TAFA4: variants seen among roughly 807,000 people sequenced by gnomAD.
TAFA4 encodes the protein TAFA chemokine like family member 4.
TAFA4 carries 20 observed loss-of-function variants against 21.1 expected under a neutral mutation model. That is an observed-to-expected ratio of 0.95 (90% confidence interval 0.67 to 1.38). TAFA4 has a LOEUF of 1.38. Among genes scored for constraint, TAFA4 ranks in the 40% most tolerant of loss-of-function variants. TAFA4 has a pLI of 0.00. For synonymous variants in TAFA4, 71 were observed against 67.4 expected (o/e 1.05, Z -0.26); for missense variants, 211 against 180.9 (o/e 1.17, Z -0.95).
chr3:68,742,396 A>G (rs542905643), intron 4 of TAFA4, among the ~76,000 whole-genome samples: 212 of 152,348 alleles, frequency 1.4e-3, no homozygotes, highest in African/African-American at 4.8e-3. Flanking sequence ...GGAAGCCCTG[A>G]AGACTTTCCT....
At chr3:68,876,674 A>T (rs753620647) in intron 3 of TAFA4, among the ~76,000 whole-genome samples, 3 of 152,238 alleles carry the variant, frequency 2.0e-5, no homozygotes, top group Non-Finnish European at 4.4e-5. Context: ...CCTAAGTTAA[A>T]AATAACATAA....
intron 1 of TAFA4, among the ~76,000 whole-genome samples, chr3:68,907,441 T>C (rs1442579216): frequency 1.3e-5 from 2 of 152,022 alleles, no homozygotes; most frequent in African/African-American, 4.8e-5. Flanking sequence ...CGGCAGAAAA[T>C]GCAAAGAGCT....
chr3:68,921,092 G>A (rs1228124450), intron 1 of TAFA4, among the ~76,000 whole-genome samples: 3 of 152,090 alleles, frequency 2.0e-5, no homozygotes, highest in African/African-American at 4.8e-5. Flanking sequence ...AAAACCTGCC[G>A]AGGGGACAAC....
intron 3 of TAFA4, among the ~76,000 whole-genome samples, chr3:68,821,326 CTTTTTTTTTTTTTTTTTTTTTTT>C (rs575774839): frequency 1.4e-5 from 1 of 73,670 alleles, no homozygotes; most frequent in Non-Finnish European, 2.5e-5. Flanking sequence ...AACCTCCCTG[CTTTTTTTTTTTTTTTTTTTTTTT>C]TTTTTTTTTT....
chr3:68,804,300 G>A (rs1199580716), intron 3 of TAFA4, among the ~76,000 whole-genome samples: 1 of 152,028 alleles, frequency 6.6e-6, no homozygotes, highest in Non-Finnish European at 1.5e-5. Context: ...AAATAAAAGA[G>A]GATACAAACA....
At chr3:68,878,223 G>T (rs1013754674) in intron 3 of TAFA4, among the ~76,000 whole-genome samples, 3 of 152,152 alleles carry the variant, frequency 2.0e-5, no homozygotes, top group African/African-American at 7.2e-5. Context: ...CTAGGGAAAT[G>T]GAACTATTAA....
chr3:68,878,330 T>C (rs2089577838), intron 3 of TAFA4, among the ~76,000 whole-genome samples: 1 of 152,218 alleles, frequency 6.6e-6, no homozygotes, highest in African/African-American at 2.4e-5. Context: ...AAAATCTGAA[T>C]TTTTGAAGTC....
intron 3 of TAFA4, among the ~76,000 whole-genome samples, chr3:68,869,204 A>G (rs1367331897): frequency 6.6e-6 from 1 of 152,016 alleles, no homozygotes; most frequent in African/African-American, 2.4e-5. Flanking sequence ...TAATGAGATT[A>G]AGGCAGTCAT....
At chr3:68,827,764 T>C (rs1704286728) in intron 3 of TAFA4, among the ~76,000 whole-genome samples, 1 of 152,226 alleles carries the variant, frequency 6.6e-6, no homozygotes, top group Non-Finnish European at 1.5e-5. Context: ...TTAAGTTCTT[T>C]GTAGATTCTG....
chr3:68,904,574 A>G (rs2089878791), intron 1 of TAFA4, among the ~76,000 whole-genome samples: 1 of 152,238 alleles, frequency 6.6e-6, no homozygotes, highest in Admixed American at 6.5e-5. Context: ...GAAATTATCA[A>G]TATGAATGGG....
chr3:68,783,673 C>CAGAGAGAGAG lies in TAFA4; in HGVS notation c.131-30665_131-30656dup, dbSNP rs1163439201. Among the ~76,000 whole-genome samples, 403 of 86,024 alleles carry CAGAGAGAGAG rather than the reference C, an allele frequency of 4.7e-3. 10 individuals carry two copies. The highest frequency in any genetic ancestry group is 6.0e-3 in the Non-Finnish European group (262 of 43,772). 56.4% of individuals were successfully genotyped at this position (86,024 alleles called of 152,430 possible). On this transcript the variant is annotated intron_variant, in intron 3 of 5. Coordinates refer to ENST00000295569, the MANE Select transcript of TAFA4 (RefSeq NM_182522.5). ...AAGAAAAATCACAGACACACACACA[C>CAGAGAGAGAG]AGAGAGAGAGAGAGAGAGAGAGAGA...
At chr3:68,750,538 A>G (rs1026077287) in intron 4 of TAFA4, among the ~76,000 whole-genome samples, 3 of 152,240 alleles carry the variant, frequency 2.0e-5, no homozygotes, top group African/African-American at 7.2e-5. Flanking sequence ...CCAAATACAC[A>G]GATATACAGA....
intron 4 of TAFA4, 80 bp downstream of exon 4, chr3:68,752,783 C>A: frequency 6.3e-7 from 1 of 1,586,012 alleles, no homozygotes; most frequent in Non-Finnish European, 8.6e-7. Flanking sequence ...CTTTGGGTTG[C>A]AAAGACAGTA....
chr3:68,884,300 G>C (rs1032179523), intron 2 of TAFA4, among the ~76,000 whole-genome samples: 2 of 152,160 alleles, frequency 1.3e-5, no homozygotes, highest in African/African-American at 4.8e-5. Flanking sequence ...CTGGAGCCTG[G>C]AGAATAGGAA....
intron 1 of TAFA4, among the ~76,000 whole-genome samples, chr3:68,899,643 T>C (rs933655682): frequency 6.6e-6 from 1 of 152,120 alleles, no homozygotes; most frequent in African/African-American, 2.4e-5. Context: ...TGTTCAGGCA[T>C]CAGGGAAACA....
intron 3 of TAFA4, among the ~76,000 whole-genome samples, chr3:68,847,815 G>C (rs901014699): frequency 1.3e-5 from 2 of 152,206 alleles, no homozygotes; most frequent in African/African-American, 2.4e-5. Context: ...AATTTCTCAG[G>C]TGTATAGCAT....
rs775125768 is a variant in TAFA4 at position 68,798,983 on chromosome 3, G to A, written c.131-45965C>T. ...CTGCAATCTGTTTTATTGTAGTCCT[G>A]GTTTGTTTTATGTTAAAAGAAAGAC... On this transcript the variant is annotated intron_variant, in intron 3 of 5. Coordinates refer to ENST00000295569, the MANE Select transcript of TAFA4 (RefSeq NM_182522.5). 3.6e-4 allele frequency among the ~76,000 whole-genome samples: 54 copies of A among 152,082 alleles called. 1 individual carries two copies. Among genetic ancestry groups the A allele is most frequent in the Admixed American group, 2.0e-4 (3 of 15,262 alleles).
intron 3 of TAFA4, among the ~76,000 whole-genome samples, chr3:68,876,095 T>C (rs1484182083): frequency 6.6e-6 from 1 of 152,216 alleles, no homozygotes; most frequent in Non-Finnish European, 1.5e-5. Flanking sequence ...TTCATGGGAC[T>C]TATCATAGTA....
chr3:68,769,552 C>G (rs931486204), intron 3 of TAFA4, among the ~76,000 whole-genome samples: 5 of 152,016 alleles, frequency 3.3e-5, no homozygotes, highest in African/African-American at 1.2e-4. Context: ...TTCAAAATAC[C>G]TGGAAGAAAA....
Sources: gnomAD v4.1 joint callset for allele counts (sites outside exome capture counted in the v4.1 genomes callset) on GRCh38, gnomAD v4.1.1 for gene constraint, MANE v1.5 for transcripts, NCBI Gene and HGNC (gene_info 2026-07-23, HGNC 2026-07-21) for gene names.